SMYD3: variants seen among roughly 807,000 people sequenced by gnomAD.
SMYD3 encodes histone-lysine N-methyltransferase SMYD3.
A neutral mutation model predicts 57.7 loss-of-function variants in SMYD3; 36 were observed. That is an observed-to-expected ratio of 0.62 (90% confidence interval 0.48 to 0.82). The LOEUF (loss-of-function observed/expected upper bound fraction) is 0.82, where lower values mean the gene tolerates loss of function less well. SMYD3 is among the 40% of genes least tolerant of loss of function. The pLI, the probability that SMYD3 is intolerant of heterozygous loss-of-function variation, is 0.00. For missense variants in SMYD3, 515 were observed against 538.8 expected, an observed-to-expected ratio of 0.96 and a Z score of 0.44; for synonymous variants, 211 against 195.0, an observed-to-expected ratio of 1.08 and a Z score of -0.68.
chr1:245,876,846 G>C (rs887599748), intron 8 of SMYD3, among the ~76,000 whole-genome samples: 1 of 152,172 alleles, frequency 6.6e-6, no homozygotes, highest in African/African-American at 2.4e-5. Flanking sequence ...GGGGCTATGG[G>C]AGCATAGAGG....
At chr1:246,305,940 T>C (rs528567166) in intron 5 of SMYD3, 2 of 152,316 alleles carry the variant, frequency 1.3e-5, no homozygotes, top group South Asian at 4.2e-4. Context: ...GAAAGAGCTA[T>C]TGTTGATAGG....
chr1:246,207,593 C>T (rs2063020349), intron 5 of SMYD3, among the ~76,000 whole-genome samples: 1 of 152,012 alleles, frequency 6.6e-6, no homozygotes, highest in African/African-American at 2.4e-5. Flanking sequence ...ATCAAGGACA[C>T]TTACAAACAG....
Position 246,114,625 on chromosome 1 carries a change from T to C in SMYD3, c.532-184688A>G, listed in dbSNP as rs139794645. 2.2e-4 allele frequency among the ~76,000 whole-genome samples: 33 copies of C among 152,256 alleles called. No homozygotes were observed. The East Asian group carries it at 6.4e-3, about 29-fold the overall frequency. ...CCATTGCTTCCCGCTAATAAACTTG[T>C]TCTCGTTTTTGTTGTTGTTGTTTCG... On this transcript the variant is annotated intron_variant, in intron 5 of 11. Transcript: ENST00000490107.
intron 5 of SMYD3, among the ~76,000 whole-genome samples, chr1:245,978,760 C>T (rs1558553362): frequency 6.6e-6 from 1 of 152,118 alleles, no homozygotes; most frequent in African/African-American, 2.4e-5. Context: ...CTGGCCTTTC[C>T]GCCTTACTTC....
At chr1:246,432,859 A>G (rs1182040161) in intron 1 of SMYD3, among the ~76,000 whole-genome samples, 1 of 152,204 alleles carries the variant, frequency 6.6e-6, no homozygotes, top group Non-Finnish European at 1.5e-5. Flanking sequence ...TACTAATATG[A>G]TAAGAAATAA....
rs150053288 is a variant in SMYD3 at position 246,433,538 on chromosome 1, G to A, written c.164+73516C>T. On this transcript the variant is annotated intron_variant, in intron 1 of 11. Coordinates refer to ENST00000490107, the MANE Select transcript of SMYD3 (RefSeq NM_001167740.2). ...TAGCCAGGCATGCTGGCACGCGCCT[G>A]TAATCCCAGCTACTCAAGAGGTTGA... Among the ~76,000 whole-genome samples the A allele has an allele frequency of 2.2e-4, 33 of 152,284 alleles. 1 individual carries two copies. The Middle Eastern group carries it at 0.01, about 47-fold the overall frequency.
chr1:246,133,837 G>A lies in SMYD3; in HGVS notation c.531+193364C>T, dbSNP rs908301059. On this transcript the variant is annotated intron_variant, in intron 5 of 11. Transcript: ENST00000490107. ...TCACTATTTTATAATAGCCACAGCT[G>A]AGCCAGCAAATGACACTGTTGTAGC... Among the ~76,000 whole-genome samples the A allele has an allele frequency of 4.6e-5, 7 of 152,146 alleles. 1 individual carries two copies. Among genetic ancestry groups the A allele is most frequent in the Admixed American group, 3.9e-4 (6 of 15,278 alleles).
chr1:245,765,381 C>T (rs377482018), intron 10 of SMYD3, among the ~76,000 whole-genome samples: 2 of 150,594 alleles, frequency 1.3e-5, no homozygotes, highest in African/African-American at 4.9e-5. Context: ...AGAGTGAGAC[C>T]CTGTTTCAAA....
At chr1:246,143,697 A>G (rs1035883868) in intron 5 of SMYD3, among the ~76,000 whole-genome samples, 1 of 152,110 alleles carries the variant, frequency 6.6e-6, no homozygotes, top group Non-Finnish European at 1.5e-5. Flanking sequence ...TCAAAGCAGC[A>G]CTATATGAAT....
chr1:246,478,642 T>C, intron 1 of SMYD3, among the ~76,000 whole-genome samples: 1 of 119,276 alleles, frequency 8.4e-6, no homozygotes, highest in Non-Finnish European at 1.7e-5. Context: ...TATGTACATC[T>C]GTCCTCCGTC....
chr1:246,091,408 C>T (rs1167183172), intron 5 of SMYD3, among the ~76,000 whole-genome samples: 1 of 151,854 alleles, frequency 6.6e-6, no homozygotes, highest in Non-Finnish European at 1.5e-5. Flanking sequence ...ACCCACCATA[C>T]CTCCTGTCTT....
chr1:245,828,729 G>C (rs1194162309), intron 10 of SMYD3, among the ~76,000 whole-genome samples: 2 of 147,674 alleles, frequency 1.4e-5, no homozygotes, highest in African/African-American at 2.5e-5. Context: ...TTTTGAGACA[G>C]GGTCTCATGT....
intron 10 of SMYD3, among the ~76,000 whole-genome samples, chr1:245,843,331 G>A (rs1339871441): frequency 6.6e-6 from 1 of 152,142 alleles, no homozygotes; most frequent in Non-Finnish European, 1.5e-5. Flanking sequence ...CCAGGTTTAA[G>A]AAGGCAGCTG....
At chr1:245,830,265 G>A (rs1045435815) in intron 10 of SMYD3, among the ~76,000 whole-genome samples, 2 of 152,210 alleles carry the variant, frequency 1.3e-5, no homozygotes, top group African/African-American at 4.8e-5. Flanking sequence ...AATGGACTCA[G>A]TTCCACATGG....
At chr1:246,301,541 G>C (rs767624160) in intron 5 of SMYD3, among the ~76,000 whole-genome samples, 1 of 152,158 alleles carries the variant, frequency 6.6e-6, no homozygotes. Flanking sequence ...GAAGTAATGA[G>C]AATATGTTTT....
At chr1:246,092,137 T>A (rs1290976997) in intron 5 of SMYD3, among the ~76,000 whole-genome samples, 1 of 152,190 alleles carries the variant, frequency 6.6e-6, no homozygotes, top group African/African-American at 2.4e-5. Context: ...GTATTATACT[T>A]CACTTTTGAT....
intron 5 of SMYD3, among the ~76,000 whole-genome samples, chr1:246,223,103 C>T (rs2063280546): frequency 6.6e-6 from 1 of 151,730 alleles, no homozygotes; most frequent in Admixed American, 6.6e-5. Flanking sequence ...AGAGCTTTTA[C>T]CCATCTGCCC....
At chr1:246,039,651 CAA>C (rs1558173621) in intron 5 of SMYD3, among the ~76,000 whole-genome samples, 1 of 152,100 alleles carries the variant, frequency 6.6e-6, no homozygotes, top group African/African-American at 2.4e-5. Flanking sequence ...CATGTGAGAT[CAA>C]AAGAGTAGGA....
rs890915569 is a variant in SMYD3, at chr1:246,355,693, C to T, written c.165-599G>A. Among the ~76,000 whole-genome samples, 1 of 152,094 alleles carries T rather than the reference C, an allele frequency of 6.6e-6. No homozygotes were observed. Among genetic ancestry groups the T allele is most frequent in the Non-Finnish European group, 1.5e-5 (1 of 68,004 alleles). ...TGCTGGCTTTCCCCCACTTCTCTGG[C>T]AGCCTGTGTGACCCAGCAGAAGCAG... On this transcript the variant is annotated intron_variant, in intron 1 of 11. Coordinates refer to ENST00000490107, the MANE Select transcript of SMYD3 (RefSeq NM_001167740.2). The surrounding 1 kb of genome is among the most constrained non-coding windows in gnomAD (Gnocchi z 5.0).
Sources: allele counts gnomAD v4.1 joint callset (sites outside exome capture counted in the v4.1 genomes callset), GRCh38; gene constraint gnomAD v4.1.1; non-coding constraint Gnocchi (gnomAD v3.1); transcripts MANE v1.5; gene names NCBI Gene and HGNC (gene_info 2026-07-23, HGNC 2026-07-21).